The following PRIM2 variants were observed in gnomAD, a reference collection of about 807,000 sequenced individuals.
PRIM2 encodes the protein DNA primase subunit 2.
In PRIM2, 39 loss-of-function variants were observed where a neutral mutation model predicts 67.3. The ratio of observed to expected loss-of-function variants is 0.58; its 90% CI spans 0.45 to 0.76. The LOEUF (loss-of-function observed/expected upper bound fraction) is 0.76. Among genes scored for constraint, PRIM2 ranks in the 30% least tolerant of loss-of-function variants. The probability of loss-of-function intolerance (pLI) is 0.00; values close to 1 mark genes in which losing one functional copy is unlikely to be tolerated. For synonymous variants in PRIM2, 143 were observed against 198.7 expected (o/e 0.72, Z 2.36); for missense variants, 398 against 598.7 (o/e 0.66, Z 3.50).
At chr6:57,417,148 G>A (rs551633640) in intron 7 of PRIM2, among the ~76,000 whole-genome samples, 2 of 151,994 alleles carry the variant, frequency 1.3e-5, no homozygotes, top group East Asian at 3.9e-4. Context: ...TGTATTTTTA[G>A]CAGAGACGGG....
At chr6:57,385,688 C>G (rs998877476) in intron 7 of PRIM2, among the ~76,000 whole-genome samples, 10 of 152,156 alleles carry the variant, frequency 6.6e-5, no homozygotes, top group African/African-American at 2.4e-4. Flanking sequence ...CTTAGTTTCT[C>G]TTAGATTTTC....
chr6:57,392,789 A>G (rs1389055216), intron 7 of PRIM2, among the ~76,000 whole-genome samples: 1 of 152,008 alleles, frequency 6.6e-6, no homozygotes, highest in Non-Finnish European at 1.5e-5. Flanking sequence ...CCCGAGCAGT[A>G]TACGCTACAC....
chr6:57,371,150 A>G (rs543131490), intron 5 of PRIM2, among the ~76,000 whole-genome samples: 3 of 126,514 alleles, frequency 2.4e-5, no homozygotes, highest in Admixed American at 8.5e-5. Context: ...TTTCAAAATT[A>G]TATCTTGTAT....
chr6:57,377,449 C>T (rs1351058532), intron 5 of PRIM2, among the ~76,000 whole-genome samples: 3 of 149,402 alleles, frequency 2.0e-5, no homozygotes, highest in Admixed American at 6.7e-5. Flanking sequence ...TATATTGAAG[C>T]TTAGGAGGAT....
chr6:57,382,191 G>A, intron 7 of PRIM2, 23 bp downstream of exon 7: 2 of 1,608,750 alleles, frequency 1.2e-6, no homozygotes, highest in Non-Finnish European at 1.7e-6. Context: ...CTTGATTTCT[G>A]TATCTGACAT....
intron 13 of PRIM2, among the ~76,000 whole-genome samples, chr6:57,634,375 C>CT (rs1197508013): frequency 3.3e-5 from 5 of 151,912 alleles, no homozygotes; most frequent in Non-Finnish European, 5.9e-5. Flanking sequence ...TATTTAAAAG[C>CT]TTTTTTTAAA....
intron 10 of PRIM2, among the ~76,000 whole-genome samples, chr6:57,580,050 G>A (rs1212454086): frequency 1.3e-5 from 2 of 151,964 alleles, no homozygotes; most frequent in Non-Finnish European, 2.9e-5. Context: ...AACATTTGTA[G>A]GATTAAGGAG....
In PRIM2 at chr6:57,506,658, G is replaced by A. The variant is rs1418247713; in HGVS notation, c.694-729G>A. ...GAATGAATGTCTTTAATTTCCTTGT[G>A]TCAAATTCTTATAAAAAGGTATTCT... On this transcript the variant is annotated intron_variant, in intron 7 of 13. Coordinates refer to ENST00000615550, the MANE Select transcript of PRIM2 (RefSeq NM_000947.5). 1.3e-4 allele frequency among the ~76,000 whole-genome samples: 20 copies of A among 152,004 alleles called. No homozygotes were observed. In the East Asian group the frequency reaches 3.9e-3, roughly 29 times the overall value.
At chr6:57,594,248 T>C (rs1776328398) in intron 10 of PRIM2, among the ~76,000 whole-genome samples, 1 of 152,216 alleles carries the variant, frequency 6.6e-6, no homozygotes, top group African/African-American at 2.4e-5. Context: ...CAGATAGCAG[T>C]TGTGAAGACA....
intron 7 of PRIM2, among the ~76,000 whole-genome samples, chr6:57,458,274 A>T (rs1365546063): frequency 6.6e-6 from 1 of 152,200 alleles, no homozygotes; most frequent in Non-Finnish European, 1.5e-5. Context: ...TACAGCTTTC[A>T]ATCAAAAGTT....
At chr6:57,542,718 ACTATTTAGTGTT>A (rs1366946844) in intron 10 of PRIM2, among the ~76,000 whole-genome samples, 5 of 151,846 alleles carry the variant, frequency 3.3e-5, no homozygotes, top group Non-Finnish European at 5.9e-5. Context: ...ACTTTCTATG[ACTATTTAGTGTT>A]CTGTTGTTAC....
At chr6:57,246,181 C>CTTTGTT in the PRIM2 span, among the ~76,000 whole-genome samples, 1 of 152,134 alleles carries the variant, frequency 6.6e-6, no homozygotes, top group African/African-American at 2.4e-5. Context: ...GTTATAGAAA[C>CTTTGTT]CTGTGTTACT....
intron 10 of PRIM2, among the ~76,000 whole-genome samples, chr6:57,584,582 T>A (rs1776156172): frequency 6.6e-6 from 1 of 152,156 alleles, no homozygotes; most frequent in African/African-American, 2.4e-5. Context: ...GAACTGAAAA[T>A]GTTCTCCATG....
intron 5 of PRIM2, among the ~76,000 whole-genome samples, chr6:57,344,784 C>G (rs1344612899): frequency 1.3e-5 from 2 of 152,080 alleles, no homozygotes; most frequent in African/African-American, 4.8e-5. Context: ...GGCAGATGGT[C>G]TTAGTGACAA....
intron 5 of PRIM2, among the ~76,000 whole-genome samples, chr6:57,372,600 C>T (rs1229334306): frequency 6.6e-6 from 1 of 152,150 alleles, no homozygotes; most frequent in Non-Finnish European, 1.5e-5. Context: ...TGCGCTCCCT[C>T]CTCTCACCTC....
the PRIM2 span, among the ~76,000 whole-genome samples, chr6:57,241,239 GAAAAAAA>G: frequency 1.4e-5 from 2 of 139,998 alleles, no homozygotes; most frequent in South Asian, 2.3e-4. Context: ...AAAAAAAAAA[GAAAAAAA>G]GAAAAAAGAA....
chr6:57,488,622 C>A (rs1337395628), intron 7 of PRIM2, among the ~76,000 whole-genome samples: 1 of 152,212 alleles, frequency 6.6e-6, no homozygotes, highest in Non-Finnish European at 1.5e-5. Context: ...CAGCAAGGAG[C>A]ATAACAACAC....
At chr6:57,443,967 T>G (rs906916357) in intron 7 of PRIM2, among the ~76,000 whole-genome samples, 25 of 152,184 alleles carry the variant, frequency 1.6e-4, no homozygotes, top group African/African-American at 5.8e-4. Flanking sequence ...GGGTCCAAGT[T>G]CATTCTTCTG....
chr6:57,382,152 T>C lies in PRIM2; in HGVS notation c.677T>C (p.Leu226Pro). 4 of 1,613,154 alleles carry C rather than the reference T, an allele frequency of 2.5e-6. No individual in the cohort carries two copies. Among genetic ancestry groups the C allele is most frequent in the Non-Finnish European group, 3.4e-6 (4 of 1,179,384 alleles). The stretch of plus-strand genomic sequence containing the variant: ...ATCCTGAATGAATTTAGAGCCAAAC[T>C]GTCCAAGGCTTTGGCAGTGAGTATT... ...AIILNEFRAK[L>P]SKALALTARS... is the part of the protein sequence containing the mutation. Residue 226 changes from leucine (L) to proline (P), a missense_variant, in exon 7 of 14, where the codon CTG becomes CCG. By Grantham distance (98) the Leu-to-Pro change is moderately conservative (BLOSUM62 -3). Around this residue, in one of 4 missense-constraint regions of PRIM2, gnomAD observed 229 missense variants for 383.6 expected, o/e 0.60. Transcript: ENST00000615550.
Sources: allele counts gnomAD v4.1 joint callset (sites outside exome capture counted in the v4.1 genomes callset), GRCh38; gene constraint gnomAD v4.1.1; regional missense constraint gnomAD v4.1.1; transcripts MANE v1.5; gene names NCBI Gene and HGNC (gene_info 2026-07-23, HGNC 2026-07-21).